SMARCC1: variants seen among roughly 807,000 people sequenced by gnomAD.
The protein encoded by SMARCC1 is SWI/SNF complex subunit SMARCC1.
Under a neutral mutation model 147.4 loss-of-function variants are expected in SMARCC1, and 43 were observed. The observed-to-expected ratio is 0.29, with a 90% confidence interval of 0.23 to 0.38. SMARCC1 has a LOEUF of 0.38. Among genes scored for constraint, SMARCC1 ranks in the 10% least tolerant of loss-of-function variants. The pLI is 1.00. For missense variants in SMARCC1, 1,119 were observed against 1,381.1 expected (o/e 0.81, Z 3.01); for synonymous variants, 495 against 484.4 (o/e 1.02, Z -0.29).
intron 26 of SMARCC1, among the ~76,000 whole-genome samples, chr3:47,597,427 T>G (rs184393494): frequency 6.6e-6 from 1 of 152,054 alleles, no homozygotes; most frequent in Non-Finnish European, 1.5e-5. Flanking sequence ...CCCGGGTTCA[T>G]GCCATTCTCC....
At chr3:47,616,824 A>G (rs996297309) in intron 25 of SMARCC1, among the ~76,000 whole-genome samples, 2 of 151,314 alleles carry the variant, frequency 1.3e-5, no homozygotes, top group Admixed American at 1.3e-4. Flanking sequence ...CATTAGAGGG[A>G]AAAAAAAAGC....
rs1213270208 is a variant in SMARCC1 at position 47,662,558 on chromosome 3, A to G, written c.1934T>C (p.Val645Ala). 1.9e-6 allele frequency: 3 copies of G among 1,614,046 alleles called. No homozygotes were observed. The highest frequency in any genetic ancestry group is 1.1e-5 in the South Asian group (1 of 91,078). The stretch of plus-strand genomic sequence containing the variant: ...AGTACGACTTCCAACATGTTCCGAC[A>G]CTTTGTTCCAATCATCCTTGTACAT... The part of the protein sequence containing the change: ...LEMYKDDWNK[V>A]SEHVGSRTQD... Residue 645 changes from valine to alanine, a missense_variant, in exon 20 of 28, where the codon GTG becomes GCG. By Grantham distance (64) the Val-to-Ala change is moderately conservative (BLOSUM62 0). Around this residue, in one of 6 missense-constraint regions of SMARCC1, gnomAD observed 178 missense variants for 264.6 expected, o/e 0.67. Coordinates refer to ENST00000254480, the MANE Select transcript of SMARCC1 (RefSeq NM_003074.4).
At chr3:47,676,432 G>T (rs1271063945) in intron 17 of SMARCC1, among the ~76,000 whole-genome samples, 197 bp downstream of exon 17, 1 of 152,054 alleles carries the variant, frequency 6.6e-6, no homozygotes, top group Non-Finnish European at 1.5e-5. Flanking sequence ...GGATTGGTGG[G>T]ACAGCATTAA....
intron 3 of SMARCC1, among the ~76,000 whole-genome samples, chr3:47,744,457 CCTA>C (rs1383805018): frequency 4.6e-5 from 7 of 152,104 alleles, no homozygotes; most frequent in East Asian, 1.9e-4. Context: ...GTTTGTATCT[CCTA>C]CTATTTACTA....
intron 2 of SMARCC1, among the ~76,000 whole-genome samples, chr3:47,759,106 G>A (rs2034740225): frequency 6.6e-6 from 1 of 151,994 alleles, no homozygotes; most frequent in South Asian, 2.1e-4. Context: ...TTCGCCACCT[G>A]GCTCAAGCAA....
intron 16 of SMARCC1, among the ~76,000 whole-genome samples, chr3:47,677,107 C>T (rs764331548): frequency 8.5e-5 from 13 of 152,054 alleles, no homozygotes; most frequent in Non-Finnish European, 1.8e-4. Flanking sequence ...AAAAAATCCG[C>T]ATTTTTCGTG....
At chr3:47,663,530 G>C (rs962000870) in intron 19 of SMARCC1, 2 of 907,054 alleles carry the variant, frequency 2.2e-6, no homozygotes, top group Non-Finnish European at 3.4e-6. Flanking sequence ...AGGATCTCTT[G>C]AGCCCAGGGG....
chr3:47,661,261 T>A (rs745362087), intron 21 of SMARCC1, 33 bp downstream of exon 21: 1 of 1,568,718 alleles, frequency 6.4e-7, no homozygotes, highest in Admixed American at 2.0e-5. Context: ...AAACATATAT[T>A]AACCCTGTCC....
chr3:47,665,681 G>A (rs2033411113), intron 19 of SMARCC1, among the ~76,000 whole-genome samples: 1 of 152,146 alleles, frequency 6.6e-6, no homozygotes, highest in Non-Finnish European at 1.5e-5. Flanking sequence ...GCAAATTAAA[G>A]TGATGTTTTG....
intron 5 of SMARCC1, among the ~76,000 whole-genome samples, chr3:47,730,293 G>C (rs935615285): frequency 2.6e-5 from 4 of 152,212 alleles, no homozygotes; most frequent in Non-Finnish European, 5.9e-5. Flanking sequence ...TTCAAGACTA[G>C]TCTGGGCAAC....
At chr3:47,692,323 T>C (rs1559646439) in intron 12 of SMARCC1, among the ~76,000 whole-genome samples, 1 of 152,228 alleles carries the variant, frequency 6.6e-6, no homozygotes, top group Non-Finnish European at 1.5e-5. Flanking sequence ...TGTGAAAATG[T>C]ACTCTAAGAC....
At chr3:47,778,206 A>C (rs1469603063) in intron 1 of SMARCC1, among the ~76,000 whole-genome samples, 2 of 147,084 alleles carry the variant, frequency 1.4e-5, no homozygotes, top group African/African-American at 5.1e-5. Context: ...AAAAAAACAA[A>C]AAACAAAAAA....
chr3:47,773,335 T>A (rs2034937758), intron 1 of SMARCC1, among the ~76,000 whole-genome samples: 1 of 149,492 alleles, frequency 6.7e-6, no homozygotes, highest in Non-Finnish European at 1.5e-5. Flanking sequence ...CCACATTGGA[T>A]AGGCTAGCCT....
intron 2 of SMARCC1, among the ~76,000 whole-genome samples, chr3:47,772,110 G>A (rs1003867654): frequency 6.6e-6 from 1 of 151,336 alleles, no homozygotes; most frequent in East Asian, 1.9e-4. Flanking sequence ...GCAGAGAAGG[G>A]CTGGTGTGGT....
At chr3:47,693,117 CTA>C in intron 12 of SMARCC1, 122 bp downstream of exon 12, 1 of 664,876 alleles carries the variant, frequency 1.5e-6, no homozygotes, top group Non-Finnish European at 2.7e-6. Context: ...CTGTGGTGAG[CTA>C]TATTACACCA....
chr3:47,705,746 T>C (rs898826513), intron 10 of SMARCC1, among the ~76,000 whole-genome samples: 11 of 152,192 alleles, frequency 7.2e-5, no homozygotes, highest in Admixed American at 6.5e-4. Flanking sequence ...GTCTAAACTA[T>C]AAAAATTATA....
In SMARCC1 at chr3:47,781,853, C is replaced by G; in HGVS notation, c.-56G>C. ...CCACCCCGGCCCTCGCGGTGTTTCC[C>G]GGTCGTTCCCGCGCGCACCCCCGCG... On this transcript the variant is annotated 5_prime_UTR_variant, in exon 1 of 28. Transcript: ENST00000254480. 8.4e-7 allele frequency: 1 copy of G among 1,190,326 alleles called. No homozygotes were observed. The highest frequency in any genetic ancestry group is 1.1e-6 in the Non-Finnish European group (1 of 936,658). 73.7% of individuals were successfully genotyped at this position (1,190,326 alleles called of 1,614,324 possible).
chr3:47,765,979 T>C (rs1274627573), intron 2 of SMARCC1, among the ~76,000 whole-genome samples: 1 of 152,096 alleles, frequency 6.6e-6, no homozygotes, highest in Non-Finnish European at 1.5e-5. Context: ...GTGATCCACC[T>C]ACCTCAGCCT....
intron 25 of SMARCC1, among the ~76,000 whole-genome samples, chr3:47,618,151 T>C (rs2032672909): frequency 6.6e-6 from 1 of 151,908 alleles, no homozygotes; most frequent in African/African-American, 2.4e-5. Context: ...TGGGATGGAG[T>C]CCGGAGAGTA....
Sources: allele counts gnomAD v4.1 joint callset (sites outside exome capture counted in the v4.1 genomes callset), GRCh38; gene constraint gnomAD v4.1.1; regional missense constraint gnomAD v4.1.1; transcripts MANE v1.5; gene names NCBI Gene and HGNC (gene_info 2026-07-23, HGNC 2026-07-21).